The following PC variants were observed in gnomAD, a reference collection of about 807,000 sequenced individuals.
PC encodes the protein pyruvate carboxylase.
Under a neutral mutation model 107.8 loss-of-function variants are expected in PC, and 46 were observed. The ratio of observed to expected loss-of-function variants is 0.43; its 90% confidence interval spans 0.34 to 0.55. The LOEUF is 0.55. Ranked by LOEUF, PC falls within the 20% of genes least tolerant of loss-of-function variation. The pLI is 0.04. For synonymous variants in PC, 662 were observed against 684.7 expected, an observed-to-expected ratio of 0.97 and a Z score of 0.52; for missense variants, 1,241 against 1,643.1, an observed-to-expected ratio of 0.76 and a Z score of 4.23.
intron 3 of PC, among the ~76,000 whole-genome samples, chr11:66,919,308 C>T (rs1246891774): frequency 6.6e-6 from 1 of 152,080 alleles, no homozygotes; most frequent in Non-Finnish European, 1.5e-5. Flanking sequence ...CCCAGCTACT[C>T]GGGAGGCTGA....
In PC at chr11:66,851,781, C is replaced by A. The variant is rs770577382; in HGVS notation, c.1982+9G>T. 1 of 1,614,154 alleles carries A rather than the reference C, an allele frequency of 6.2e-7. No homozygotes were observed. The highest frequency in any genetic ancestry group is 8.5e-7 in the Non-Finnish European group (1 of 1,179,974). ...CAGGTAGCGTCTGCCCACCCCACCC[C>A]AGGCTCACTTGAAGACCACGTTGTC... On this transcript the variant is annotated intron_variant, in intron 16 of 22. Transcript: ENST00000393960.
intron 3 of PC, among the ~76,000 whole-genome samples, chr11:66,920,108 T>G (rs1948558931): frequency 6.6e-6 from 1 of 151,918 alleles, no homozygotes; most frequent in African/African-American, 2.4e-5. Context: ...GCTGTGTAAG[T>G]GATGAGGGAG....
chr11:66,883,640 G>A (rs1043906858), intron 3 of PC, among the ~76,000 whole-genome samples: 1 of 152,110 alleles, frequency 6.6e-6, no homozygotes, highest in East Asian at 1.9e-4. Flanking sequence ...CACTGTTAGG[G>A]CCCTGGGCAC....
intron 3 of PC, among the ~76,000 whole-genome samples, chr11:66,932,104 A>G (rs1424918122): frequency 6.6e-6 from 1 of 152,186 alleles, no homozygotes; most frequent in Non-Finnish European, 1.5e-5. Flanking sequence ...AGGACAGACA[A>G]GATAATTTAA....
At chr11:66,881,925 G>A (rs970023042) in intron 3 of PC, among the ~76,000 whole-genome samples, 1 of 152,178 alleles carries the variant, frequency 6.6e-6, no homozygotes, top group African/African-American at 2.4e-5. Context: ...GCTTTCATCA[G>A]GAGCACAGTG....
In PC at chr11:66,858,189, G is replaced by A; in HGVS notation, c.1369-4806C>T. 1 of 1,612,010 alleles carries A rather than the reference G, an allele frequency of 6.2e-7. No individual in the cohort carries two copies. The highest frequency in any genetic ancestry group is 8.5e-7 in the Non-Finnish European group (1 of 1,179,558). ...CGACGACTTCCTAGAGAGCCTGGAG[G>A]ACCTGGACCTGTCCTACAACAACCT... On this transcript the variant is annotated intron_variant, in intron 12 of 22. Transcript: ENST00000393960. This position sits in a 1 kb window ranked among gnomAD's most constrained non-coding sequence, Gnocchi z 5.9.
intron 1 of PC, 128 bp downstream of exon 1, chr11:66,958,194 C>G (rs1451892639): frequency 6.6e-6 from 1 of 152,056 alleles, no homozygotes; most frequent in Admixed American, 6.6e-5. Context: ...AGCCGTCACT[C>G]GCGGAGCCCG....
At chr11:66,855,173 C>A (rs1187520242) in intron 12 of PC, among the ~76,000 whole-genome samples, 2 of 152,180 alleles carry the variant, frequency 1.3e-5, no homozygotes, top group African/African-American at 4.8e-5. Context: ...CACTGAGTCT[C>A]CCCTTTGTGA....
At position 66,852,905 on chromosome 11, in the gene PC, T is replaced by A; in HGVS notation, c.1514-69A>T. 3.3e-6 allele frequency: 4 copies of A among 1,198,246 alleles called. No homozygotes were observed. The highest frequency in any genetic ancestry group is 3.6e-6 in the Non-Finnish European group (3 of 844,266). 74.2% of individuals were successfully genotyped at this position (1,198,246 alleles called of 1,614,324 possible). A position where few individuals can be genotyped will look rare whatever the true frequency, so the allele number is the denominator to read the frequency against. ...GCTGAGTCGAGGGCAGCAGTGAGAG[T>A]GGCTGGGCTCAGGGACAGGGACACA... On this transcript the variant is annotated intron_variant, in intron 13 of 22. Transcript: ENST00000393960. This position sits in a 1 kb window ranked among gnomAD's most constrained non-coding sequence, Gnocchi z 4.7.
intron 11 of PC, among the ~76,000 whole-genome samples, chr11:66,865,127 A>G (rs1341088341): frequency 6.6e-6 from 1 of 152,186 alleles, no homozygotes; most frequent in African/African-American, 2.4e-5. Flanking sequence ...GCCGCCACCT[A>G]CAGACTCTTC....
At chr11:66,896,853 A>C (rs1018539299) in intron 3 of PC, among the ~76,000 whole-genome samples, 7 of 152,190 alleles carry the variant, frequency 4.6e-5, no homozygotes, top group Non-Finnish European at 1.0e-4. Flanking sequence ...TTCTAGAATG[A>C]CACTTCAGGA....
chr11:66,950,077 T>C (rs1386941513), intron 3 of PC, among the ~76,000 whole-genome samples: 2 of 152,194 alleles, frequency 1.3e-5, no homozygotes, highest in African/African-American at 4.8e-5. Flanking sequence ...ACATTTCACA[T>C]TGATACACAG....
At chr11:66,921,205 C>G (rs892529096) in intron 3 of PC, among the ~76,000 whole-genome samples, 1 of 152,152 alleles carries the variant, frequency 6.6e-6, no homozygotes, top group African/African-American at 2.4e-5. Context: ...AGCGTGGAAA[C>G]GACCCCGCTA....
chr11:66,932,750 G>C (rs1011468796), intron 3 of PC, among the ~76,000 whole-genome samples: 2 of 152,112 alleles, frequency 1.3e-5, no homozygotes, highest in African/African-American at 2.4e-5. Context: ...CCAGATACAG[G>C]ACCAGACACA....
chr11:66,899,930 G>T (rs1381107164), intron 3 of PC, among the ~76,000 whole-genome samples: 1 of 152,164 alleles, frequency 6.6e-6, no homozygotes, highest in Non-Finnish European at 1.5e-5. Flanking sequence ...ATGGTATGAG[G>T]TGGGGTCCAG....
intron 3 of PC, among the ~76,000 whole-genome samples, chr11:66,883,188 C>T (rs951703435): frequency 2.0e-5 from 3 of 152,122 alleles, no homozygotes; most frequent in Non-Finnish European, 2.9e-5. Context: ...GGCACCGAGG[C>T]GACTGGCGCC....
chr11:66,917,989 G>A (rs989139368), intron 3 of PC, among the ~76,000 whole-genome samples: 1 of 152,134 alleles, frequency 6.6e-6, no homozygotes, highest in African/African-American at 2.4e-5. Context: ...ATACCTGATA[G>A]AGCACCCACC....
chr11:66,870,215 TC>T lies in PC; in HGVS notation c.903+86del. 1.7e-5 allele frequency: 26 copies of T among 1,527,144 alleles called. No individual in the cohort carries two copies. Among genetic ancestry groups the T allele is most frequent in the Non-Finnish European group, 2.2e-5 (25 of 1,113,632 alleles). The allele number at this position is 1,527,144 out of a possible 1,614,324, so 94.6% of individuals were successfully genotyped here. The stretch of plus-strand genomic sequence containing the variant: ...CCAGTCCCCAGAAGGGGACTCAGGG[TC>T]CCCTTCCCCAACCAGCGCCCCACTG... On this transcript the variant is annotated intron_variant, in intron 9 of 22. Transcript: ENST00000393960. The surrounding 1 kb of genome is among the most constrained non-coding windows in gnomAD (Gnocchi z 6.1).
At chr11:66,937,455 T>A (rs1949026348) in intron 3 of PC, among the ~76,000 whole-genome samples, 1 of 144,076 alleles carries the variant, frequency 6.9e-6, no homozygotes, top group South Asian at 2.2e-4. Flanking sequence ...GGATCTCTGA[T>A]ATTCATCCTC....
Sources: gnomAD v4.1 joint callset for allele counts (sites outside exome capture counted in the v4.1 genomes callset) on GRCh38, gnomAD v4.1.1 for gene constraint, Gnocchi (gnomAD v3.1) non-coding constraint, MANE v1.5 for transcripts, NCBI Gene and HGNC (gene_info 2026-07-23, HGNC 2026-07-21) for gene names.